ZFHX3: variants seen among roughly 807,000 people sequenced by gnomAD.
The protein encoded by ZFHX3 is zinc finger homeobox 3, also known as zinc finger homeobox protein 3.
In ZFHX3, 42 loss-of-function variants were observed where a neutral mutation model predicts 279.1. That is an observed-to-expected ratio of 0.15 (90% CI 0.12 to 0.19). The LOEUF (loss-of-function observed/expected upper bound fraction) is 0.19. Among genes scored for constraint, ZFHX3 ranks in the 10% least tolerant of loss-of-function variants. ZFHX3 has a pLI of 1.00. For synonymous variants in ZFHX3, 2,293 were observed against 1,957.8 expected (o/e 1.17, Z -4.52); for missense variants, 4,981 against 4,754.0 (o/e 1.05, Z -1.40).
intron 4 of ZFHX3, among the ~76,000 whole-genome samples, chr16:73,317,369 A>G (rs971476923): frequency 6.6e-6 from 1 of 152,072 alleles, no homozygotes; most frequent in Non-Finnish European, 1.5e-5. Context: ...TGCTAATGTT[A>G]CCCGGCAGAG....
intron 2 of ZFHX3, among the ~76,000 whole-genome samples, chr16:73,546,707 CTGCTGCT>C: frequency 8.4e-6 from 1 of 118,880 alleles, no homozygotes; most frequent in Admixed American, 7.4e-5. Context: ...GCTGCTGCTG[CTGCTGCT>C]GCTGCTGCTG....
At chr16:73,647,010 A>AGT (rs1305688243) in intron 2 of ZFHX3, among the ~76,000 whole-genome samples, 1 of 71,424 alleles carries the variant, frequency 1.4e-5, no homozygotes, top group African/African-American at 4.3e-5. Context: ...TCGTTGTGCC[A>AGT]ACCTTTTTTT....
chr16:73,222,205 C>T (rs1466422393), intron 5 of ZFHX3, among the ~76,000 whole-genome samples: 1 of 151,960 alleles, frequency 6.6e-6, no homozygotes, highest in Admixed American at 6.6e-5. Flanking sequence ...GAGTGTTATA[C>T]ATTAAGATAG....
chr16:73,011,567 C>G (rs1048025288), intron 1 of ZFHX3, among the ~76,000 whole-genome samples: 8 of 151,990 alleles, frequency 5.3e-5, no homozygotes, highest in Admixed American at 5.2e-4. Context: ...ATGGTGAAAC[C>G]CTGTCTCTAC....
intron 2 of ZFHX3, among the ~76,000 whole-genome samples, chr16:73,642,675 T>C (rs1034808847): frequency 1.3e-5 from 2 of 152,126 alleles, no homozygotes; most frequent in South Asian, 4.1e-4. Flanking sequence ...CCACAACCTA[T>C]ATTAAGCGTA....
chr16:73,376,658 G>A (rs951382127), intron 3 of ZFHX3, among the ~76,000 whole-genome samples: 2 of 152,122 alleles, frequency 1.3e-5, no homozygotes, highest in African/African-American at 4.8e-5. Flanking sequence ...CAACCGTACG[G>A]GAAGATTTAC....
chr16:73,782,064 G>T (rs572809570), intron 1 of ZFHX3, among the ~76,000 whole-genome samples: 25 of 152,178 alleles, frequency 1.6e-4, no homozygotes, highest in Non-Finnish European at 3.4e-4. Flanking sequence ...CCCAGGCAGG[G>T]TCTCCATTGC....
intron 7 of ZFHX3, among the ~76,000 whole-genome samples, chr16:73,095,280 C>T (rs938268404): frequency 3.3e-5 from 5 of 152,102 alleles, no homozygotes; most frequent in Admixed American, 3.3e-4. Flanking sequence ...AGACATCCCA[C>T]ACCCATCTTG....
chr16:72,807,027 T>C (rs749160697), intron 7 of ZFHX3: 7 of 152,234 alleles, frequency 4.6e-5, no homozygotes, highest in Non-Finnish European at 7.3e-5. Context: ...TTTAAGAGTA[T>C]TGAAATGCAT....
At chr16:73,265,044 C>T (rs1043842077) in intron 4 of ZFHX3, among the ~76,000 whole-genome samples, 4 of 139,096 alleles carry the variant, frequency 2.9e-5, no homozygotes, top group East Asian at 2.6e-4. Context: ...AACACCTCAG[C>T]GCATATATAT....
At chr16:73,751,435 A>G (rs1055705965) in intron 1 of ZFHX3, among the ~76,000 whole-genome samples, 5 of 152,206 alleles carry the variant, frequency 3.3e-5, no homozygotes, top group Admixed American at 1.3e-4. Context: ...AAAAATATGC[A>G]TGTATATTCT....
chr16:73,298,252 A>G (rs1183440487), intron 4 of ZFHX3, among the ~76,000 whole-genome samples: 2 of 149,110 alleles, frequency 1.3e-5, no homozygotes, highest in African/African-American at 5.1e-5. Context: ...GCTTGATCTC[A>G]GCTCACTGCA....
At chr16:72,937,643 G>A (rs1168747455) in intron 3 of ZFHX3, among the ~76,000 whole-genome samples, 3 of 152,180 alleles carry the variant, frequency 2.0e-5, no homozygotes, top group African/African-American at 7.2e-5. Flanking sequence ...CAGCTTCAGG[G>A]CCACCGCCAT....
At chr16:73,676,340 G>C (rs2052953755) in intron 2 of ZFHX3, among the ~76,000 whole-genome samples, 1 of 152,042 alleles carries the variant, frequency 6.6e-6, no homozygotes, top group Admixed American at 6.6e-5. Context: ...GCAATGGAAT[G>C]TATGTTGCAG....
At chr16:73,291,931 T>C (rs2014782089) in intron 4 of ZFHX3, among the ~76,000 whole-genome samples, 1 of 152,218 alleles carries the variant, frequency 6.6e-6, no homozygotes, top group South Asian at 2.1e-4. Context: ...TGTTTGATAA[T>C]GTTTTATTTA....
chr16:73,003,564 G>C (rs1388878550), intron 1 of ZFHX3, among the ~76,000 whole-genome samples: 3 of 147,912 alleles, frequency 2.0e-5, no homozygotes, highest in African/African-American at 7.6e-5. Context: ...AAATTAGCTG[G>C]GAGTGATGGC....
chr16:73,590,070 AG>A (rs1337350785), intron 2 of ZFHX3, among the ~76,000 whole-genome samples: 3 of 152,326 alleles, frequency 2.0e-5, no homozygotes, highest in Non-Finnish European at 4.4e-5. Flanking sequence ...TGTAGGATAA[AG>A]AAAAGAAGCA....
At chr16:73,084,960 G>A (rs903947817) in intron 8 of ZFHX3, among the ~76,000 whole-genome samples, 1 of 152,140 alleles carries the variant, frequency 6.6e-6, no homozygotes, top group Non-Finnish European at 1.5e-5. Flanking sequence ...ATGTTAAAAT[G>A]TCAAGAGTAC....
intron 2 of ZFHX3, among the ~76,000 whole-genome samples, chr16:73,576,406 C>T (rs1312244710): frequency 6.6e-6 from 1 of 152,132 alleles, no homozygotes; most frequent in African/African-American, 2.4e-5. Flanking sequence ...CACACTCACA[C>T]GTATGCATCA....
Sources: allele counts gnomAD v4.1 joint callset (sites outside exome capture counted in the v4.1 genomes callset), GRCh38; gene constraint gnomAD v4.1.1; transcripts MANE v1.5; gene names NCBI Gene and HGNC (gene_info 2026-07-23, HGNC 2026-07-21).